The following NF1 variants were observed in gnomAD, a reference collection of about 807,000 sequenced individuals.
NF1 encodes neurofibromin 1, also known as neurofibromin.
In NF1, 122 loss-of-function variants were observed where a neutral mutation model predicts 325.7. The observed-to-expected ratio is 0.37, with a 90% CI of 0.32 to 0.44. NF1 has a LOEUF of 0.44. Ranked by LOEUF, NF1 falls within the 20% of genes least tolerant of loss-of-function variation. The pLI is 1.00. For missense variants in NF1, 2,140 were observed against 3,415.4 expected, an observed-to-expected ratio of 0.63 and a Z score of 9.31; for synonymous variants, 1,091 against 1,186.0, an observed-to-expected ratio of 0.92 and a Z score of 1.65.
chr17:31,196,122 T>G (rs2066429446), intron 8 of NF1, among the ~76,000 whole-genome samples: 1 of 152,076 alleles, frequency 6.6e-6, no homozygotes, highest in Non-Finnish European at 1.5e-5. Flanking sequence ...ATATAAAGGT[T>G]ATATTATATT....
chr17:31,332,718 TCCCTCCC>T lies in NF1; in HGVS notation c.5813-2110_5813-2104del, dbSNP rs1284929772. Among the ~76,000 whole-genome samples, 2 of 51,578 alleles carry T rather than the reference TCCCTCCC, an allele frequency of 3.9e-5. 1 individual carries two copies. Among genetic ancestry groups the T allele is most frequent in the Admixed American group, 3.5e-4 (2 of 5,732 alleles). The allele number at this position is 51,578 out of a possible 152,430, so 33.8% of individuals were successfully genotyped here. ...GCATTAGGTATATCTCCCAATGCTA[TCCCTCCC>T]CCCTCCCCCGACCCCACCACAGTCC... On this transcript the variant is annotated intron_variant, in intron 39 of 57. Coordinates refer to ENST00000358273, the MANE Select transcript of NF1 (RefSeq NM_001042492.3).
intron 4 of NF1, among the ~76,000 whole-genome samples, chr17:31,166,053 T>C (rs144768224): frequency 0.013 from 2,047 of 152,310 alleles, 12 homozygotes; most frequent in Non-Finnish European, 0.021. Context: ...CTGTGGCTTA[T>C]AGTATTTATG....
At chr17:31,181,819 T>TG in intron 7 of NF1, 34 bp downstream of exon 7, 2 of 1,158,760 alleles carry the variant, frequency 1.7e-6, no homozygotes, top group South Asian at 2.5e-5. Flanking sequence ...TTTTTTTTTG[T>TG]CTTTTAAATG....
intron 8 of NF1, among the ~76,000 whole-genome samples, chr17:31,194,643 A>G (rs1176604165): frequency 1.3e-5 from 2 of 152,154 alleles, no homozygotes; most frequent in African/African-American, 4.8e-5. Flanking sequence ...ATAAATATTA[A>G]TACATCAAAA....
At chr17:31,199,065 C>A (rs1482446268) in intron 8 of NF1, among the ~76,000 whole-genome samples, 2 of 151,698 alleles carry the variant, frequency 1.3e-5, no homozygotes, top group Non-Finnish European at 2.9e-5. Context: ...AATTTTTCTC[C>A]ATTGTTTTTC....
intron 1 of NF1, among the ~76,000 whole-genome samples, chr17:31,109,157 C>T (rs1913176183): frequency 6.6e-6 from 1 of 152,086 alleles, no homozygotes; most frequent in African/African-American, 2.4e-5. Flanking sequence ...TTGACAATTG[C>T]AACAACATTT....
At chr17:31,233,529 A>G (rs1389304095) in intron 27 of NF1, among the ~76,000 whole-genome samples, 1 of 152,202 alleles carries the variant, frequency 6.6e-6, no homozygotes, top group Non-Finnish European at 1.5e-5. Context: ...CAATGCTGGA[A>G]TTGGAATCCA....
At chr17:31,344,015 T>C (rs944211460) in intron 48 of NF1, among the ~76,000 whole-genome samples, 1 of 150,804 alleles carries the variant, frequency 6.6e-6, no homozygotes, top group Non-Finnish European at 1.5e-5. Flanking sequence ...AGTCTGATAA[T>C]AGCTATATTA....
chr17:31,210,156 A>G (rs2066702257), intron 12 of NF1, among the ~76,000 whole-genome samples: 2 of 152,358 alleles, frequency 1.3e-5, no homozygotes, highest in Admixed American at 6.5e-5. Flanking sequence ...TAGCTTGATG[A>G]AAGCAGTAGC....
intron 48 of NF1, among the ~76,000 whole-genome samples, chr17:31,346,353 A>G (rs2069983957): frequency 6.7e-6 from 1 of 149,976 alleles, no homozygotes; most frequent in East Asian, 1.9e-4. Flanking sequence ...AGAGTTCATG[A>G]AGAGGCCCTC....
Position 31,148,238 on chromosome 17 carries a change from AAT to A in NF1, c.61-7742_61-7741del, listed in dbSNP as rs533527821. 3.9e-4 allele frequency among the ~76,000 whole-genome samples: 60 copies of A among 152,318 alleles called. 1 individual carries two copies. Among genetic ancestry groups the A allele is most frequent in the African/African-American group, 1.4e-3 (58 of 41,566 alleles). Reference sequence around the variant, plus strand: ...CAGTAGTATGGATTTAAATATATTTAATATGTTTCAATAAATTGCCATCCTTA... The same window carrying A: ...CAGTAGTATGGATTTAAATATATTTAATGTTTCAATAAATTGCCATCCTTA... On this transcript the variant is annotated intron_variant, in intron 1 of 57. Coordinates refer to ENST00000358273, the MANE Select transcript of NF1 (RefSeq NM_001042492.3).
intron 12 of NF1, among the ~76,000 whole-genome samples, chr17:31,210,514 G>A (rs945810210): frequency 5.9e-5 from 9 of 152,116 alleles, no homozygotes; most frequent in African/African-American, 2.2e-4. Flanking sequence ...GAACCCGGGA[G>A]GCGGAGGTTG....
At chr17:31,193,580 T>G (rs1389587193) in intron 8 of NF1, among the ~76,000 whole-genome samples, 46 of 152,122 alleles carry the variant, frequency 3.0e-4, no homozygotes, top group Admixed American at 3.0e-3. Context: ...AAAGACAACC[T>G]ACAGGATGGG....
chr17:31,219,672 T>G (rs1421726758), intron 14 of NF1, among the ~76,000 whole-genome samples: 1 of 139,646 alleles, frequency 7.2e-6, no homozygotes, highest in East Asian at 2.2e-4. Context: ...GTTGTGCAAC[T>G]ATAGCTACTC....
chr17:31,173,435 A>AATAAG (rs1221804951), intron 5 of NF1, among the ~76,000 whole-genome samples: 17 of 152,008 alleles, frequency 1.1e-4, no homozygotes, highest in African/African-American at 4.1e-4. Flanking sequence ...AATAAAATAA[A>AATAAG]AATACAAAAA....
chr17:31,358,441 C>T (rs2070323289), intron 54 of NF1, 39 bp from the exon 55 acceptor site: 1 of 1,591,356 alleles, frequency 6.3e-7, no homozygotes, highest in African/African-American at 1.3e-5. Flanking sequence ...TTTAATTTTC[C>T]TCTAAAATGT....
rs1426298604 is a variant in NF1 at position 31,232,733 on chromosome 17, C to G, written c.3348C>G (p.Asp1116Glu). 1 of 1,613,800 alleles carries G rather than the reference C, an allele frequency of 6.2e-7. No homozygotes were observed. Among genetic ancestry groups the G allele is most frequent in the Admixed American group, 1.7e-5 (1 of 59,982 alleles). ...CATTATTTATGAACCTTTTGAATGA[C>G]TGCAGTGAAGTTGAAGATGAAAGTG... is the stretch of plus-strand genomic sequence containing the variant. ...YFTLFMNLLNDCSEVEDESAQ... is the reference protein window; with the variant it reads ...YFTLFMNLLNECSEVEDESAQ... The change falls in exon 26 of 58, where the codon GAC becomes GAG. Residue 1116 changes from aspartate (D) to glutamate (E), a missense_variant. Coordinates refer to ENST00000358273, the MANE Select transcript of NF1 (RefSeq NM_001042492.3).
At chr17:31,132,857 G>A (rs1915494044) in intron 1 of NF1, among the ~76,000 whole-genome samples, 1 of 151,794 alleles carries the variant, frequency 6.6e-6, no homozygotes, top group African/African-American at 2.4e-5. Flanking sequence ...AGTAGAGATG[G>A]GATTTCACCA....
At chr17:31,304,038 G>A (rs1025910868) in intron 36 of NF1, 11 of 416,894 alleles carry the variant, frequency 2.6e-5, no homozygotes, top group African/African-American at 8.0e-5. Flanking sequence ...TATGTAAAAT[G>A]TACTATACTT....
Sources: gnomAD v4.1 joint callset for allele counts (sites outside exome capture counted in the v4.1 genomes callset) on GRCh38, gnomAD v4.1.1 for gene constraint, MANE v1.5 for transcripts, NCBI Gene and HGNC (gene_info 2026-07-23, HGNC 2026-07-21) for gene names.